The following CLCN2 variants were observed in gnomAD, a reference collection of about 807,000 sequenced individuals.
CLCN2 encodes the protein chloride channel protein 2.
In CLCN2, 72 loss-of-function variants were observed where a neutral mutation model predicts 108.3. The observed-to-expected ratio is 0.66, with a 90% CI of 0.55 to 0.81. The LOEUF is 0.81. Ranked by LOEUF, CLCN2 falls within the 30% of genes least tolerant of loss-of-function variation. The pLI is 0.00. For synonymous variants in CLCN2, 471 were observed against 467.1 expected (o/e 1.01, Z -0.11); for missense variants, 1,048 against 1,205.2 (o/e 0.87, Z 1.93).
chr3:184,355,417 C>T lies in CLCN2; in HGVS notation c.1283G>A (p.Arg428His), dbSNP rs369890010. Residue 428 changes from arginine (R) to histidine (H), a missense_variant, in exon 12 of 24, where the codon CGT becomes CAT. Coordinates refer to ENST00000265593, the MANE Select transcript of CLCN2 (RefSeq NM_004366.6). The surrounding 1 kb of genome is among the most constrained non-coding windows in gnomAD (Gnocchi z 6.3). ...GACCAGGGTGAGGAAGACGTTGGCA[C>T]GTGGTGGGTTCCAGGCCTGTGAGGT... ...PSTSQAWNPPRANVFLTLVIF... is the reference protein window; with the variant it reads ...PSTSQAWNPPHANVFLTLVIF... 5.6e-6 allele frequency: 9 copies of T among 1,613,980 alleles called. No homozygotes were observed. The East Asian group carries it at 8.9e-5, about 16-fold the overall frequency.
intron 19 of CLCN2, 43 bp downstream of exon 19, chr3:184,352,694 C>G: frequency 1.2e-6 from 2 of 1,600,746 alleles, no homozygotes; most frequent in Non-Finnish European, 1.7e-6. Flanking sequence ...GGAGAGGGAG[C>G]TGGGGAAAAA....
chr3:184,351,688 G>C (rs574415539), intron 22 of CLCN2, among the ~76,000 whole-genome samples: 17 of 152,284 alleles, frequency 1.1e-4, no homozygotes, highest in Admixed American at 4.6e-4. Flanking sequence ...GGCTGTGGTG[G>C]CCTCCCGCCT....
rs893026581 is a variant in CLCN2 at position 184,353,086 on chromosome 3, G to A, written c.2090C>T (p.Pro697Leu). ...GACACTGGGCCCCCTCTTGAGTGCAGGCTTTAGGGGCTTGTGGGTCTCCCC... is the reference window on the plus strand; with the variant it reads ...GACACTGGGCCCCCTCTTGAGTGCAAGCTTTAGGGGCTTGTGGGTCTCCCC... ...ARGETHKPLK[P>L]ALKRGPSVTR... Residue 697 changes from proline (P) to leucine (L), a missense_variant, in exon 18 of 24, where the codon CCT becomes CTT. Transcript: ENST00000265593. The A allele has an allele frequency of 9.3e-6, 15 of 1,614,178 alleles. No individual in the cohort carries two copies. The highest frequency in any genetic ancestry group is 2.7e-5 in the African/African-American group (2 of 75,064).
At chr3:184,359,640 C>T (rs1438837794) in intron 1 of CLCN2, among the ~76,000 whole-genome samples, 1 of 152,184 alleles carries the variant, frequency 6.6e-6, no homozygotes, top group Non-Finnish European at 1.5e-5. Context: ...CTCAGCTGCA[C>T]CTCTCCCACC....
At position 184,354,173 on chromosome 3, in the gene CLCN2, G is replaced by A. The variant is rs745559622; in HGVS notation, c.1649C>T (p.Pro550Leu). 1 of 1,613,312 alleles carries A rather than the reference G, an allele frequency of 6.2e-7. No individual in the cohort carries two copies. Among genetic ancestry groups the A allele is most frequent in the East Asian group, 2.2e-5 (1 of 44,844 alleles). The change falls in exon 15 of 24, where the codon CCC (proline) becomes CTC (leucine). Residue 550 changes from proline to leucine, a missense_variant. By Grantham distance (98) the Pro-to-Leu change is moderately conservative. Transcript: ENST00000265593. ...TCGGATGATGCTGTCATAGAGGGAG[G>A]GCTGCAGACTCTGGGCGACAGCGTT... is the stretch of plus-strand genomic sequence containing the variant. The part of the protein sequence containing the change: ...LANAVAQSLQ[P>L]SLYDSIIRIK...
Position 184,346,447 on chromosome 3 carries a change from G to A in CLCN2, c.*159C>T. 1.3e-6 allele frequency: 1 copy of A among 789,086 alleles called. No homozygotes were observed. Among genetic ancestry groups the A allele is most frequent in the South Asian group, 1.5e-5 (1 of 66,348 alleles). 48.9% of individuals were successfully genotyped at this position (789,086 alleles called of 1,614,324 possible). A position where few individuals can be genotyped will look rare whatever the true frequency, so the allele number is the denominator to read the frequency against. On this transcript the variant is annotated 3_prime_UTR_variant, in exon 24 of 24. Coordinates refer to ENST00000265593, the MANE Select transcript of CLCN2 (RefSeq NM_004366.6). The surrounding 1 kb of genome is among the most constrained non-coding windows in gnomAD (Gnocchi z 6.0). The stretch of plus-strand genomic sequence containing the variant: ...TGGGTAGTGGGTCAGATTCCAGGTA[G>A]GATGAACTGGGAGAAGCTGGCACCC...
rs1356370530 is a variant in CLCN2, at chr3:184,358,739, G to A, written c.295C>T (p.Leu99Phe). The change falls in exon 3 of 24, where the codon CTT becomes TTT. Residue 99 changes from leucine to phenylalanine, a missense_variant. Coordinates refer to ENST00000265593, the MANE Select transcript of CLCN2 (RefSeq NM_004366.6). Reference sequence around the variant, plus strand: ...ACCCAGCTGACCAATGCCATGAGAAGCCCCAGCAGGACCAGGAAGATCCAA... The same window carrying A: ...ACCCAGCTGACCAATGCCATGAGAAACCCCAGCAGGACCAGGAAGATCCAA... ...EDWIFLVLLG[L>F]LMALVSWVMD... The A allele has an allele frequency of 6.2e-7, 1 of 1,601,360 alleles. No individual in the cohort carries two copies. The highest frequency in any genetic ancestry group is 8.5e-7 in the Non-Finnish European group (1 of 1,173,258).
Position 184,355,020 on chromosome 3 carries a change from C to T in CLCN2, c.1327-47G>A. 2 of 1,572,408 alleles carry T rather than the reference C, an allele frequency of 1.3e-6. No individual in the cohort carries two copies. The highest frequency in any genetic ancestry group is 1.7e-6 in the Non-Finnish European group (2 of 1,142,884). Reference sequence around the variant, plus strand: ...AAGGCGAAGAGGCTCCACCTGGCCCCAGGCAGCCCACAGCGCCACCCAGGA... The same window carrying T: ...AAGGCGAAGAGGCTCCACCTGGCCCTAGGCAGCCCACAGCGCCACCCAGGA... On this transcript the variant is annotated intron_variant, in intron 12 of 23. Coordinates refer to ENST00000265593, the MANE Select transcript of CLCN2 (RefSeq NM_004366.6). This position sits in a 1 kb window ranked among gnomAD's most constrained non-coding sequence, Gnocchi z 6.3.
At chr3:184,351,804 A>G (rs895791898) in intron 22 of CLCN2, among the ~76,000 whole-genome samples, 1 of 151,964 alleles carries the variant, frequency 6.6e-6, no homozygotes, top group Non-Finnish European at 1.5e-5. Flanking sequence ...GCAGAGGAAA[A>G]ACGATGCCTG....
Position 184,355,512 on chromosome 3 carries a change from C to T in CLCN2, c.1188G>A (p.Thr396=), listed in dbSNP as rs766683058. 2.8e-5 allele frequency: 45 copies of T among 1,613,954 alleles called. No individual in the cohort carries two copies. The South Asian group carries it at 4.3e-4, about 15-fold the overall frequency. ...FMAGQLSQKE[T]LVTLFDNRTW... Reference sequence around the variant, plus strand: ...TCCGATTGTCAAACAGGGTGACCAGCGTCTCTTTCTGTGAGAGCTAGAGTG... The same window carrying T: ...TCCGATTGTCAAACAGGGTGACCAGTGTCTCTTTCTGTGAGAGCTAGAGTG... Residue 396 remains threonine (T), a synonymous_variant, in exon 12 of 24, where the codon ACG becomes ACA. Coordinates refer to ENST00000265593, the MANE Select transcript of CLCN2 (RefSeq NM_004366.6). The surrounding 1 kb of genome is among the most constrained non-coding windows in gnomAD (Gnocchi z 6.3).
intron 22 of CLCN2, 56 bp from the exon 23 acceptor site, chr3:184,347,077 G>T: frequency 6.8e-7 from 1 of 1,469,690 alleles, no homozygotes; most frequent in South Asian, 1.1e-5. Flanking sequence ...AGCTCTAAAT[G>T]ACAGGCCACA....
chr3:184,351,530 C>T (rs547991022), intron 22 of CLCN2, among the ~76,000 whole-genome samples: 56 of 152,346 alleles, frequency 3.7e-4, no homozygotes, highest in African/African-American at 1.3e-3. Flanking sequence ...GCATTCCAAG[C>T]CCCCCACTGG....
chr3:184,351,535 C>G lies in CLCN2; in HGVS notation c.2415+478G>C, dbSNP rs558805936. Among the ~76,000 whole-genome samples the G allele has an allele frequency of 3.9e-5, 6 of 152,366 alleles. No individual in the cohort carries two copies. The South Asian group carries it at 6.2e-4, about 16-fold the overall frequency. On this transcript the variant is annotated intron_variant, in intron 22 of 23. Coordinates refer to ENST00000265593, the MANE Select transcript of CLCN2 (RefSeq NM_004366.6). ...CTGGGGTCTGGCATTCCAAGCCCCCCACTGGGTGTTTCTCATCTTTGTTTA... is the reference window on the plus strand; with the variant it reads ...CTGGGGTCTGGCATTCCAAGCCCCCGACTGGGTGTTTCTCATCTTTGTTTA...
chr3:184,349,451 G>T (rs1349784280), intron 22 of CLCN2: 1 of 152,084 alleles, frequency 6.6e-6, no homozygotes, highest in Non-Finnish European at 1.5e-5. Context: ...TAAAATTTTT[G>T]TGTTAGAAGA....
At position 184,361,524 on chromosome 3, in the gene CLCN2, TC is replaced by T; in HGVS notation, c.-46del. 1 of 1,599,206 alleles carries T rather than the reference TC, an allele frequency of 6.3e-7. No homozygotes were observed. The stretch of plus-strand genomic sequence containing the variant: ...GCCTCCCTCGGCGGTTCCGGCTCTG[TC>T]CTGGACTCGGCTCCCGGCCCGCAAA... On this transcript the variant is annotated 5_prime_UTR_variant, in exon 1 of 24. Coordinates refer to ENST00000265593, the MANE Select transcript of CLCN2 (RefSeq NM_004366.6). This position sits in a 1 kb window ranked among gnomAD's most constrained non-coding sequence, Gnocchi z 6.6.
In CLCN2 at chr3:184,358,236, CA is replaced by C; in HGVS notation, c.426del (p.Val143SerfsTer25). On this transcript the variant is annotated frameshift_variant, in exon 4 of 24. Coordinates refer to ENST00000265593, the MANE Select transcript of CLCN2 (RefSeq NM_004366.6). LOFTEE classifies it high-confidence loss of function. ...AATCCGGCTGAGAAAGTGATGAGGACAACAGGGTAGGTGACCCAGGCCAGGT... is the reference window on the plus strand; with the variant it reads ...AATCCGGCTGAGAAAGTGATGAGGACACAGGGTAGGTGACCCAGGCCAGGT... The part of the protein sequence containing the change: ...LQYLAWVTYP[V>X]VLITFSAGFT... 1.2e-6 allele frequency: 2 copies of C among 1,614,170 alleles called. No homozygotes were observed. Among genetic ancestry groups the C allele is most frequent in the Non-Finnish European group, 1.7e-6 (2 of 1,180,036 alleles).
At chr3:184,359,191 G>C (rs2108575071) in intron 1 of CLCN2, 60 bp from the exon 2 acceptor site, 1 of 1,590,760 alleles carries the variant, frequency 6.3e-7, no homozygotes, top group African/African-American at 1.3e-5. Context: ...AACGCAGGGA[G>C]AGTTCTTAGA....
Position 184,346,870 on chromosome 3 carries a change from A to G in CLCN2, c.2502+65T>C. ...TCCTCCCCGCCTTCCTCCCCAGGTG[A>G]GCTGGACATAAGCCTCCATGACTTT... On this transcript the variant is annotated intron_variant, in intron 23 of 23. Transcript: ENST00000265593. This position sits in a 1 kb window ranked among gnomAD's most constrained non-coding sequence, Gnocchi z 6.0. 1.2e-6 allele frequency: 2 copies of G among 1,611,732 alleles called. No homozygotes were observed. Among genetic ancestry groups the G allele is most frequent in the East Asian group, 4.5e-5 (2 of 44,874 alleles).
At position 184,361,481 on chromosome 3, in the gene CLCN2, T is replaced by G. The variant is rs150938157; in HGVS notation, c.-2A>C. 6.2e-7 allele frequency: 1 copy of G among 1,611,470 alleles called. No homozygotes were observed. The highest frequency in any genetic ancestry group is 1.3e-5 in the African/African-American group (1 of 74,920). On this transcript the variant is annotated 5_prime_UTR_variant, in exon 1 of 24. Coordinates refer to ENST00000265593, the MANE Select transcript of CLCN2 (RefSeq NM_004366.6). This position sits in a 1 kb window ranked among gnomAD's most constrained non-coding sequence, Gnocchi z 6.6. The stretch of plus-strand genomic sequence containing the variant: ...TTCCTCCGCCGCCGCGGCCGCCATC[T>G]CCGCGCACTGCCCTCTCGCCTCCCT...
Sources: gnomAD v4.1 joint callset for allele counts (sites outside exome capture counted in the v4.1 genomes callset) on GRCh38, gnomAD v4.1.1 for gene constraint, Gnocchi (gnomAD v3.1) non-coding constraint, MANE v1.5 for transcripts, NCBI Gene and HGNC (gene_info 2026-07-23, HGNC 2026-07-21) for gene names.